The following ZNF578 variants were observed in gnomAD, a reference collection of about 807,000 sequenced individuals.
ZNF578 encodes the protein Putative chemokine-related protein B42.
ZNF578 carries 8 observed loss-of-function variants against 8.3 expected under a neutral mutation model. The ratio of observed to expected loss-of-function variants is 0.96; its 90% CI spans 0.56 to 1.74. ZNF578 has a LOEUF of 1.74. ZNF578 is among the 40% of genes most tolerant of loss of function. ZNF578 has a pLI of 0.00. For synonymous variants in ZNF578, 206 were observed against 232.2 expected (o/e 0.89, Z 1.03); for missense variants, 726 against 707.5 (o/e 1.03, Z -0.30).
At chr19:52,509,955 C>T (rs781387856) in intron 5 of ZNF578, among the ~76,000 whole-genome samples, 1 of 150,768 alleles carries the variant, frequency 6.6e-6, no homozygotes, top group Non-Finnish European at 1.5e-5. Context: ...CATCTTGGCT[C>T]ACTGCAACCT....
intron 2 of ZNF578, among the ~76,000 whole-genome samples, chr19:52,478,978 T>A (rs2059316592): frequency 6.6e-6 from 1 of 151,794 alleles, no homozygotes; most frequent in African/African-American, 2.4e-5. Flanking sequence ...CCTCCCAAAG[T>A]GCTGGGATTA....
intron 5 of ZNF578, among the ~76,000 whole-genome samples, chr19:52,505,535 C>G (rs1251612574): frequency 6.6e-6 from 1 of 152,110 alleles, no homozygotes; most frequent in African/African-American, 2.4e-5. Flanking sequence ...CATTCTTCTG[C>G]CTCAGCCTCC....
chr19:52,457,494 G>A (rs2059243145), intron 2 of ZNF578: 1 of 152,162 alleles, frequency 6.6e-6, no homozygotes, highest in Admixed American at 6.5e-5. Flanking sequence ...ATTGAAGAGG[G>A]GGTCGTGTGA....
At position 52,516,402 on chromosome 19, in the gene ZNF578, G is replaced by A. The variant is rs938749979; in HGVS notation, c.*4248G>A. Among the ~76,000 whole-genome samples, 3 of 152,182 alleles carry A rather than the reference G, an allele frequency of 2.0e-5. No individual in the cohort carries two copies. The highest frequency in any genetic ancestry group is 7.2e-5 in the African/African-American group (3 of 41,448). On this transcript the variant is annotated 3_prime_UTR_variant, in exon 6 of 6. Coordinates refer to ENST00000421239, the MANE Select transcript of ZNF578 (RefSeq NM_001099694.2). ...GTGTGTGGGCTTCTCCAGAAGGGGA[G>A]CCAGAGTTTCCCTGTAGGAGTTTAT...
Position 52,501,041 on chromosome 19 carries a change from G to A in ZNF578, c.-19-786G>A, listed in dbSNP as rs147656539. Among the ~76,000 whole-genome samples, 252 of 152,170 alleles carry A rather than the reference G, an allele frequency of 1.7e-3. 1 individual carries two copies. The East Asian group carries it at 0.034, about 21-fold the overall frequency. On this transcript the variant is annotated intron_variant, in intron 3 of 5. Coordinates refer to ENST00000421239, the MANE Select transcript of ZNF578 (RefSeq NM_001099694.2). The stretch of plus-strand genomic sequence containing the variant: ...TTATGGGCACCCGCTACCATGCCCA[G>A]CTAATTTTTGTACTTTTAGTAGAGA...
intron 2 of ZNF578, among the ~76,000 whole-genome samples, chr19:52,460,169 C>T (rs897873923): frequency 6.6e-6 from 1 of 151,726 alleles, no homozygotes; most frequent in African/African-American, 2.4e-5. Context: ...ACACCCATGC[C>T]CAGAAGTGGG....
At chr19:52,462,355 C>T (rs554131428) in intron 2 of ZNF578, among the ~76,000 whole-genome samples, 1 of 152,306 alleles carries the variant, frequency 6.6e-6, no homozygotes, top group South Asian at 2.1e-4. Flanking sequence ...CCCATGGACA[C>T]ATTTATTAAC....
intron 2 of ZNF578, among the ~76,000 whole-genome samples, chr19:52,483,768 G>A (rs1240682887): frequency 1.3e-5 from 2 of 152,190 alleles, no homozygotes; most frequent in South Asian, 2.1e-4. Context: ...AACTGTACTT[G>A]TGACATCATA....
chr19:52,462,896 C>T (rs761842152), intron 2 of ZNF578, among the ~76,000 whole-genome samples: 7 of 152,166 alleles, frequency 4.6e-5, no homozygotes, highest in Non-Finnish European at 1.0e-4. Flanking sequence ...CCCTCTTTCC[C>T]AGGTCTTTGT....
intron 3 of ZNF578, 32 bp from the exon 4 acceptor site, chr19:52,501,795 A>C (rs2059408489): frequency 6.2e-7 from 1 of 1,607,422 alleles, no homozygotes. Context: ...AGTCATATCT[A>C]ACCTGAAGTC....
At chr19:52,483,142 G>A (rs1001038896) in intron 2 of ZNF578, among the ~76,000 whole-genome samples, 6 of 152,190 alleles carry the variant, frequency 3.9e-5, no homozygotes, top group Non-Finnish European at 7.4e-5. Context: ...CTGGCCGTGC[G>A]CGGTGGCTCA....
intron 2 of ZNF578, among the ~76,000 whole-genome samples, chr19:52,488,590 C>A (rs1212791188): frequency 2.0e-5 from 3 of 150,312 alleles, no homozygotes; most frequent in Admixed American, 6.6e-5. Flanking sequence ...GCCTGGGCGA[C>A]AGAGCAAGAC....
rs774149382 is a variant in ZNF578, at chr19:52,511,056, CAT to C, written c.676_677del (p.Met226GlufsTer8). The C allele has an allele frequency of 6.2e-6, 10 of 1,614,172 alleles. No homozygotes were observed. The highest frequency in any genetic ancestry group is 4.5e-5 in the East Asian group (2 of 44,874). On this transcript the variant is annotated frameshift_variant, in exon 6 of 6. Transcript: ENST00000421239. LOFTEE classifies it low-confidence loss of function (END_TRUNC). ...SLLTQKQEVHMREKSFQCNET... is the reference protein window; with the variant it reads ...SLLTQKQEVHXREKSFQCNET... ...TACTCACACAAAAACAGGAAGTACACATGAGAGAAAAATCTTTCCAATGTAAT... is the reference window on the plus strand; with the variant it reads ...TACTCACACAAAAACAGGAAGTACACGAGAGAAAAATCTTTCCAATGTAAT...
intron 4 of ZNF578, among the ~76,000 whole-genome samples, chr19:52,502,395 A>G (rs1313109729): frequency 1.3e-5 from 2 of 152,208 alleles, no homozygotes; most frequent in African/African-American, 2.4e-5. Context: ...AAGCCACACT[A>G]GTAGATCAAG....
chr19:52,480,426 A>G (rs2059321955), intron 2 of ZNF578, among the ~76,000 whole-genome samples: 1 of 152,148 alleles, frequency 6.6e-6, no homozygotes, highest in Non-Finnish European at 1.5e-5. Flanking sequence ...TTATCTCTGA[A>G]TGCACTATGG....
chr19:52,485,187 T>G (rs2059340609), intron 2 of ZNF578, among the ~76,000 whole-genome samples: 1 of 152,036 alleles, frequency 6.6e-6, no homozygotes, highest in African/African-American at 2.4e-5. Flanking sequence ...TGGTCTATCT[T>G]GCTTGTTCTG....
At chr19:52,494,284 C>A (rs2059377849) in intron 3 of ZNF578, among the ~76,000 whole-genome samples, 1 of 151,324 alleles carries the variant, frequency 6.6e-6, no homozygotes, top group Admixed American at 6.6e-5. Context: ...TCCAGGAGTT[C>A]AAGACTAGCC....
chr19:52,493,323 G>A (rs1375891423), intron 3 of ZNF578, among the ~76,000 whole-genome samples: 3 of 152,158 alleles, frequency 2.0e-5, no homozygotes, highest in South Asian at 2.1e-4. Flanking sequence ...CCCTCCTCGT[G>A]CCGGGCCCTG....
At position 52,515,014 on chromosome 19, in the gene ZNF578, G is replaced by A. The variant is rs540510745; in HGVS notation, c.*2860G>A. On this transcript the variant is annotated 3_prime_UTR_variant, in exon 6 of 6. Coordinates refer to ENST00000421239, the MANE Select transcript of ZNF578 (RefSeq NM_001099694.2). ...TTTTGCTTTTGTTGCTGAGGCTGGA[G>A]TGCAATGGTGCGATCTGGTGTCACT... Among the ~76,000 whole-genome samples the A allele has an allele frequency of 4.0e-5, 6 of 148,356 alleles. No individual in the cohort carries two copies. The Admixed American group carries it at 4.1e-4, about 10-fold the overall frequency.
Sources: gnomAD v4.1 joint callset for allele counts (sites outside exome capture counted in the v4.1 genomes callset) on GRCh38, gnomAD v4.1.1 for gene constraint, MANE v1.5 for transcripts, NCBI Gene and HGNC (gene_info 2026-07-23, HGNC 2026-07-21) for gene names.